Variants in PDZD2 observed in about 807,000 individuals in gnomAD.
PDZD2 encodes the protein PDZ domain containing 2.
Under a neutral mutation model 220.7 loss-of-function variants are expected in PDZD2, and 90 were observed. The observed-to-expected ratio is 0.41, with a 90% CI of 0.34 to 0.49. PDZD2 has a LOEUF of 0.49. Among genes scored for constraint, PDZD2 ranks in the 20% least tolerant of loss-of-function variants. PDZD2 has a pLI of 0.28. For synonymous variants in PDZD2, 1,375 were observed against 1,450.5 expected (o/e 0.95, Z 1.18); for missense variants, 3,174 against 3,608.5 (o/e 0.88, Z 3.08).
At chr5:31,698,391 C>G (rs1373720633) in intron 1 of PDZD2, among the ~76,000 whole-genome samples, 1 of 149,116 alleles carries the variant, frequency 6.7e-6, no homozygotes, top group Non-Finnish European at 1.5e-5. Flanking sequence ...GTCAAGAGAT[C>G]AAGACCATCC....
At chr5:32,079,315 C>T (rs1017703294) in intron 19 of PDZD2, among the ~76,000 whole-genome samples, 5 of 150,292 alleles carry the variant, frequency 3.3e-5, no homozygotes, top group African/African-American at 1.2e-4. Flanking sequence ...TCTAAACTTG[C>T]ACTCTGTGGG....
intron 1 of PDZD2, among the ~76,000 whole-genome samples, chr5:31,724,780 CCAGT>C (rs1749025958): frequency 1.3e-5 from 2 of 152,208 alleles, no homozygotes; most frequent in African/African-American, 4.8e-5. Flanking sequence ...ATGCATCTGG[CCAGT>C]CAGTGTTGTA....
intron 2 of PDZD2, among the ~76,000 whole-genome samples, chr5:31,900,402 T>A (rs1260781047): frequency 6.6e-6 from 1 of 152,226 alleles, no homozygotes; most frequent in Non-Finnish European, 1.5e-5. Flanking sequence ...TGTTGATGGC[T>A]GATGAAAGTC....
chr5:31,886,056 C>T (rs1740440799), intron 2 of PDZD2, among the ~76,000 whole-genome samples: 1 of 152,036 alleles, frequency 6.6e-6, no homozygotes, highest in African/African-American at 2.4e-5. Context: ...CCCACCACCA[C>T]ACCTGGCTAA....
chr5:31,671,958 T>G (rs1313230353), intron 1 of PDZD2, among the ~76,000 whole-genome samples: 1 of 152,148 alleles, frequency 6.6e-6, no homozygotes, highest in Non-Finnish European at 1.5e-5. Flanking sequence ...TTCACCTAGA[T>G]CAGGGGATTC....
At position 31,752,069 on chromosome 5, in the gene PDZD2, G is replaced by GTTTTTTTTTT. The variant is rs1491302993; in HGVS notation, c.-360-46817_-360-46816insTTTTTTTTTT. Among the ~76,000 whole-genome samples the GTTTTTTTTTT allele has an allele frequency of 9.1e-4, 87 of 95,790 alleles. 3 individuals carry two copies. The highest frequency in any genetic ancestry group is 1.2e-3 in the African/African-American group (27 of 22,734). The allele number at this position is 95,790 out of a possible 152,430, so 62.8% of individuals were successfully genotyped here. ...TTGTTTGTTTGTTTTATTGTTTTGG[G>GTTTTTTTTTT]TTTGTTTTTTTTTTTTTTTTTCTGA... is the stretch of plus-strand genomic sequence containing the variant. On this transcript the variant is annotated intron_variant, in intron 1 of 24. Transcript: ENST00000438447.
rs70957998 is a variant in PDZD2 at position 32,025,591 on chromosome 5, C to CTTTTTTT, written c.1408-11618_1408-11612dup. 3.5e-3 allele frequency among the ~76,000 whole-genome samples: 238 copies of CTTTTTTT among 67,516 alleles called. 17 individuals are homozygous for CTTTTTTT. Among genetic ancestry groups the CTTTTTTT allele is most frequent in the Non-Finnish European group, 4.5e-3 (175 of 39,100 alleles). 44.3% of individuals were successfully genotyped at this position (67,516 alleles called of 152,430 possible). Reference sequence around the variant, plus strand: ...AGTGAGCCCAAATGTAACCATGATGCTTTTTTTTTTTTTTTTTTTTTTTTT... The same window carrying CTTTTTTT: ...AGTGAGCCCAAATGTAACCATGATGCTTTTTTTTTTTTTTTTTTTTTTTTTTTTTTTT... On this transcript the variant is annotated intron_variant, in intron 6 of 24. Transcript: ENST00000438447.
In PDZD2 at chr5:31,865,621, C is replaced by CTT. The variant is rs776271275; in HGVS notation, c.476+65926_476+65927dup. Among the ~76,000 whole-genome samples the CTT allele has an allele frequency of 8.7e-3, 588 of 67,814 alleles. 100 individuals carry two copies. The highest frequency in any genetic ancestry group is 0.037 in the Middle Eastern group (3 of 80). The allele number at this position is 67,814 out of a possible 152,430, so 44.5% of individuals were successfully genotyped here. A position where few individuals can be genotyped will look rare whatever the true frequency, so the allele number is the denominator to read the frequency against. On this transcript the variant is annotated intron_variant, in intron 2 of 24. Coordinates refer to ENST00000438447, the MANE Select transcript of PDZD2 (RefSeq NM_178140.4). ...GCCTGTAATCTGTGTCTACTGGCAA[C>CTT]TTTTTTTTTTTTTTTTTTTTTTTTT...
At chr5:31,701,060 C>T (rs1023033028) in intron 1 of PDZD2, among the ~76,000 whole-genome samples, 20 of 152,204 alleles carry the variant, frequency 1.3e-4, no homozygotes, top group African/African-American at 4.6e-4. Context: ...CACTTGCCGT[C>T]TGACACCTGA....
intron 2 of PDZD2, among the ~76,000 whole-genome samples, chr5:31,974,479 A>G (rs573430440): frequency 2.4e-4 from 36 of 152,344 alleles, no homozygotes; most frequent in Admixed American, 7.2e-4. Flanking sequence ...AATGTTGGGG[A>G]AAAGACCAAT....
intron 1 of PDZD2, among the ~76,000 whole-genome samples, chr5:31,781,847 A>G (rs1395574592): frequency 1.3e-5 from 2 of 152,142 alleles, no homozygotes; most frequent in African/African-American, 4.8e-5. Context: ...AGAGGGGACT[A>G]CTATTTACAG....
At chr5:31,857,977 C>G (rs1190403850) in intron 2 of PDZD2, among the ~76,000 whole-genome samples, 3 of 152,126 alleles carry the variant, frequency 2.0e-5, no homozygotes, top group African/African-American at 7.2e-5. Context: ...AGGCATGCAC[C>G]ACCACACCCA....
intron 2 of PDZD2, among the ~76,000 whole-genome samples, chr5:31,825,231 T>C (rs1756140036): frequency 6.6e-6 from 1 of 152,186 alleles, no homozygotes. Context: ...GAACCACATC[T>C]GGATTCATGT....
At position 32,108,171 on chromosome 5, in the gene PDZD2, TC is replaced by T; in HGVS notation, c.*37del. ...GAATCATTTTCTCAGTTCTCTTCTT[TC>T]TTTAGCAAATCAGAGTGACTTCTTT... On this transcript the variant is annotated 3_prime_UTR_variant, in exon 25 of 25. Coordinates refer to ENST00000438447, the MANE Select transcript of PDZD2 (RefSeq NM_178140.4). The T allele has an allele frequency of 2.0e-6, 3 of 1,480,144 alleles. No homozygotes were observed. The highest frequency in any genetic ancestry group is 2.8e-6 in the Non-Finnish European group (3 of 1,072,428). The allele number at this position is 1,480,144 out of a possible 1,614,324, so 91.7% of individuals were successfully genotyped here.
At chr5:31,760,874 A>G (rs1210095013) in intron 1 of PDZD2, among the ~76,000 whole-genome samples, 1 of 152,156 alleles carries the variant, frequency 6.6e-6, no homozygotes, top group Non-Finnish European at 1.5e-5. Flanking sequence ...GTGACCCGAG[A>G]TCACGCCACT....
intron 6 of PDZD2, among the ~76,000 whole-genome samples, chr5:32,024,747 C>G (rs1433125646): frequency 1.3e-5 from 2 of 151,900 alleles, no homozygotes; most frequent in African/African-American, 4.8e-5. Context: ...CACATATGCC[C>G]CATGGATGGG....
intron 6 of PDZD2, among the ~76,000 whole-genome samples, chr5:32,023,418 A>G (rs756552739): frequency 7.2e-5 from 11 of 152,010 alleles, no homozygotes; most frequent in Non-Finnish European, 1.3e-4. Context: ...AACCTTTTCC[A>G]TTTTTCCAAG....
At chr5:31,727,587 C>G (rs756714582) in intron 1 of PDZD2, among the ~76,000 whole-genome samples, 23 of 151,872 alleles carry the variant, frequency 1.5e-4, no homozygotes, top group Non-Finnish European at 2.9e-4. Context: ...GTAATCCCAG[C>G]TCCTCAGGAG....
chr5:31,822,910 TA>T, intron 2 of PDZD2: 1 of 887,556 alleles, frequency 1.1e-6, no homozygotes, highest in Non-Finnish European at 1.8e-6. Flanking sequence ...GTTCTGTGCA[TA>T]ACTACAAATA....
Sources: allele counts gnomAD v4.1 joint callset (sites outside exome capture counted in the v4.1 genomes callset), GRCh38; gene constraint gnomAD v4.1.1; transcripts MANE v1.5; gene names NCBI Gene and HGNC (gene_info 2026-07-23, HGNC 2026-07-21).